The following PSD3 variants were observed in gnomAD, a reference collection of about 807,000 sequenced individuals.
PSD3 encodes pleckstrin and Sec7 domain containing 3.
PSD3 carries 49 observed loss-of-function variants against 105.5 expected under a neutral mutation model. The ratio of observed to expected loss-of-function variants is 0.46; its 90% CI spans 0.37 to 0.59. The LOEUF is 0.59. PSD3 is among the 20% of genes least tolerant of loss of function. The probability of loss-of-function intolerance (pLI) is 0.00; values close to 1 mark genes in which losing one functional copy is unlikely to be tolerated. For synonymous variants in PSD3, 557 were observed against 457.8 expected (o/e 1.22, Z -2.77); for missense variants, 1,561 against 1,263.8 (o/e 1.24, Z -3.57).
At chr8:18,695,486 G>A (rs139437489) in intron 9 of PSD3, among the ~76,000 whole-genome samples, 252 of 152,224 alleles carry the variant, frequency 1.7e-3, no homozygotes, top group Middle Eastern at 6.8e-3. Context: ...ATAGAACTGT[G>A]GATAACTTTG....
intron 1 of PSD3, among the ~76,000 whole-genome samples, chr8:19,027,844 G>C (rs1827612228): frequency 6.6e-6 from 1 of 152,184 alleles, no homozygotes; most frequent in African/African-American, 2.4e-5. Context: ...CTCACCAGTT[G>C]ATGGACATTT....
Position 18,812,247 on chromosome 8 carries a change from C to A in PSD3, c.1635-7349G>T, listed in dbSNP as rs552110646. Among the ~76,000 whole-genome samples the A allele has an allele frequency of 3.3e-5, 5 of 152,262 alleles. No individual in the cohort carries two copies. In the South Asian group the frequency reaches 1.0e-3, roughly 32 times the overall value. ...ATGAGGAGAGCTGTGTTTCCCTTGA[C>A]AATTTAAATATCCTGAGAAACACCT... On this transcript the variant is annotated intron_variant, in intron 4 of 15. Coordinates refer to ENST00000327040, the MANE Select transcript of PSD3 (RefSeq NM_015310.4).
intron 9 of PSD3, chr8:18,683,845 G>A (rs369714505): frequency 5.2e-6 from 4 of 765,166 alleles, no homozygotes; most frequent in African/African-American, 3.4e-5. Context: ...GACTGCCGCC[G>A]GATAGAATCC....
At chr8:18,766,943 C>A (rs777216412) in intron 8 of PSD3, among the ~76,000 whole-genome samples, 11 of 152,160 alleles carry the variant, frequency 7.2e-5, no homozygotes, top group Admixed American at 1.3e-4. Context: ...GCGGGAGATA[C>A]CAGCTCTACC....
At chr8:18,605,888 T>C (rs1208773319) in intron 11 of PSD3, among the ~76,000 whole-genome samples, 1 of 152,172 alleles carries the variant, frequency 6.6e-6, no homozygotes, top group Non-Finnish European at 1.5e-5. Context: ...CCTTCCACCA[T>C]AATTCTAAGT....
chr8:18,567,308 C>T (rs1440550871), intron 14 of PSD3, among the ~76,000 whole-genome samples: 1 of 151,934 alleles, frequency 6.6e-6, no homozygotes, highest in African/African-American at 2.4e-5. Context: ...TTTTCCCTCC[C>T]CTTATATCGT....
At chr8:18,976,950 A>T (rs188632389) in intron 1 of PSD3, among the ~76,000 whole-genome samples, 1 of 152,328 alleles carries the variant, frequency 6.6e-6, no homozygotes, top group East Asian at 1.9e-4. Context: ...TGATAGAGAA[A>T]GATTTTTTAA....
At chr8:19,034,952 T>G (rs953070823) in intron 1 of PSD3, among the ~76,000 whole-genome samples, 4 of 151,742 alleles carry the variant, frequency 2.6e-5, no homozygotes, top group African/African-American at 9.7e-5. Flanking sequence ...AGAGGCAAAT[T>G]TTTTTGAGGC....
intron 12 of PSD3, among the ~76,000 whole-genome samples, chr8:18,583,009 G>T (rs937700100): frequency 6.6e-6 from 1 of 151,950 alleles, no homozygotes; most frequent in Non-Finnish European, 1.5e-5. Flanking sequence ...TGCATTTTTA[G>T]TAGAGATGGG....
chr8:18,819,575 ATTTT>A (rs746931460), intron 4 of PSD3, among the ~76,000 whole-genome samples: 6 of 111,310 alleles, frequency 5.4e-5, no homozygotes, highest in African/African-American at 2.1e-4. Flanking sequence ...ATTAGAATGG[ATTTT>A]TTTTTTTTTT....
At chr8:18,934,483 T>A (rs1821969642) in intron 2 of PSD3, among the ~76,000 whole-genome samples, 1 of 152,104 alleles carries the variant, frequency 6.6e-6, no homozygotes, top group Non-Finnish European at 1.5e-5. Flanking sequence ...TGATCTCGGC[T>A]CACTGCAAGC....
chr8:18,964,884 G>A (rs150072743), intron 1 of PSD3, among the ~76,000 whole-genome samples: 200 of 152,254 alleles, frequency 1.3e-3, no homozygotes, highest in African/African-American at 4.6e-3. Flanking sequence ...TGGCCTTCAG[G>A]TCAGACTTTT....
At chr8:18,739,031 A>C (rs1168548794) in intron 9 of PSD3, among the ~76,000 whole-genome samples, 1 of 152,224 alleles carries the variant, frequency 6.6e-6, no homozygotes, top group Admixed American at 6.5e-5. Flanking sequence ...ACTTGGACTA[A>C]AGGCGGATTT....
At chr8:18,927,415 C>T (rs772040385) in intron 2 of PSD3, among the ~76,000 whole-genome samples, 7 of 152,048 alleles carry the variant, frequency 4.6e-5, no homozygotes, top group African/African-American at 1.5e-4. Context: ...GGTTTCATCA[C>T]GTTGGTCAAG....
At chr8:18,716,372 T>G (rs1193112574) in intron 9 of PSD3, among the ~76,000 whole-genome samples, 1 of 152,036 alleles carries the variant, frequency 6.6e-6, no homozygotes, top group Non-Finnish European at 1.5e-5. Flanking sequence ...TGCAGTGGAA[T>G]AAATGGAAAA....
At chr8:18,547,969 G>A (rs1800545662) in intron 15 of PSD3, among the ~76,000 whole-genome samples, 1 of 152,128 alleles carries the variant, frequency 6.6e-6, no homozygotes, top group African/African-American at 2.4e-5. Context: ...CATGAATCCT[G>A]TAGATTTCTT....
intron 8 of PSD3, among the ~76,000 whole-genome samples, chr8:18,796,305 T>C (rs1050406622): frequency 6.6e-6 from 1 of 152,140 alleles, no homozygotes; most frequent in African/African-American, 2.4e-5. Context: ...TACCATGTCT[T>C]CAGTGAAACC....
intron 11 of PSD3, among the ~76,000 whole-genome samples, chr8:18,627,374 G>A (rs1806562188): frequency 6.6e-6 from 1 of 152,042 alleles, no homozygotes; most frequent in South Asian, 2.1e-4. Context: ...GACCTGCAGA[G>A]GATACTCTGC....
In PSD3 at chr8:18,575,266, T is replaced by C; in HGVS notation, c.2501A>G (p.Lys834Arg). ...YLQKDEYKPE[K>R]ALSEEDLKNA... ...TTTCAAGTCCTCTTCAGACAAGGCC[T>C]TTTCTGGCTTGTATTCATCCTATAG... Residue 834 changes from lysine (K) to arginine (R), a missense_variant, in exon 13 of 16, where the codon AAG becomes AGG. Coordinates refer to ENST00000327040, the MANE Select transcript of PSD3 (RefSeq NM_015310.4). 6.2e-7 allele frequency: 1 copy of C among 1,610,136 alleles called. No homozygotes were observed. The highest frequency in any genetic ancestry group is 8.5e-7 in the Non-Finnish European group (1 of 1,178,058).
Sources: allele counts gnomAD v4.1 joint callset (sites outside exome capture counted in the v4.1 genomes callset), GRCh38; gene constraint gnomAD v4.1.1; transcripts MANE v1.5; gene names NCBI Gene and HGNC (gene_info 2026-07-23, HGNC 2026-07-21).